Variants in DLGAP2 observed in about 807,000 individuals in gnomAD.
DLGAP2 encodes the protein DLG associated protein 2.
A neutral mutation model predicts 100.3 loss-of-function variants in DLGAP2; 26 were observed. The ratio of observed to expected loss-of-function variants is 0.26; its 90% CI spans 0.19 to 0.36. DLGAP2 has a LOEUF of 0.36. Ranked by LOEUF, DLGAP2 falls within the 10% of genes least tolerant of loss-of-function variation. DLGAP2 has a pLI of 1.00. For missense variants in DLGAP2, 1,858 were observed against 1,453.2 expected (o/e 1.28, Z -4.53); for synonymous variants, 886 against 630.1 (o/e 1.41, Z -6.08).
At chr8:1,223,319 T>C (rs953958591) in intron 2 of DLGAP2, among the ~76,000 whole-genome samples, 1 of 152,198 alleles carries the variant, frequency 6.6e-6, no homozygotes, top group Non-Finnish European at 1.5e-5. Flanking sequence ...GTCTATGCCA[T>C]GGGCTGGTCT....
chr8:984,741 T>C (rs1230157969), intron 2 of DLGAP2, among the ~76,000 whole-genome samples: 2 of 152,234 alleles, frequency 1.3e-5, no homozygotes, highest in Non-Finnish European at 2.9e-5. Context: ...CATCTGTTTT[T>C]ACATTTTTAA....
rs2132550227 is a variant in DLGAP2, at chr8:737,964, C to T, written c.18+139C>T. On this transcript the variant is annotated intron_variant, in intron 1 of 14. Transcript: ENST00000637795. ...GGGCGGGGGCGAGCGGGGGTCGTGCCGCCCGCCGGGGCCGGAGCGCTGGGG... is the reference window on the plus strand; with the variant it reads ...GGGCGGGGGCGAGCGGGGGTCGTGCTGCCCGCCGGGGCCGGAGCGCTGGGG... 8.8e-6 allele frequency: 3 copies of T among 339,034 alleles called. No homozygotes were observed. In the East Asian group the frequency reaches 1.3e-4, roughly 15 times the overall value. 21.0% of individuals were successfully genotyped at this position (339,034 alleles called of 1,614,324 possible).
chr8:1,552,690 A>G (rs1318349871), intron 5 of DLGAP2, among the ~76,000 whole-genome samples: 1 of 152,268 alleles, frequency 6.6e-6, no homozygotes, highest in African/African-American at 2.4e-5. Context: ...AAGATTTAAA[A>G]GAATAAGAAG....
chr8:1,060,785 G>A (rs1406567140), intron 2 of DLGAP2, among the ~76,000 whole-genome samples: 1 of 152,188 alleles, frequency 6.6e-6, no homozygotes, highest in East Asian at 1.9e-4. Flanking sequence ...GGGCCTGCGG[G>A]TTCCACATGC....
intron 3 of DLGAP2, among the ~76,000 whole-genome samples, chr8:1,314,368 T>G (rs1219666614): frequency 1.3e-5 from 2 of 152,326 alleles, no homozygotes; most frequent in South Asian, 2.1e-4. Context: ...CTGTTCACCT[T>G]GGAAGTGCAT....
chr8:1,523,970 T>C (rs1354450169), intron 4 of DLGAP2, among the ~76,000 whole-genome samples: 1 of 152,192 alleles, frequency 6.6e-6, no homozygotes, highest in Non-Finnish European at 1.5e-5. Context: ...GGTCCAGAAT[T>C]CGTTTGGAGA....
At chr8:1,347,776 G>A (rs188620985) in intron 3 of DLGAP2, among the ~76,000 whole-genome samples, 1 of 152,034 alleles carries the variant, frequency 6.6e-6, no homozygotes, top group Non-Finnish European at 1.5e-5. Context: ...TTGCACTCAT[G>A]GTAACTGTGT....
intron 3 of DLGAP2, among the ~76,000 whole-genome samples, chr8:1,344,675 C>T (rs985290873): frequency 2.0e-5 from 3 of 152,152 alleles, no homozygotes; most frequent in Non-Finnish European, 4.4e-5. Flanking sequence ...ATTCTCCACT[C>T]AGTCTCCCGC....
At chr8:1,267,595 A>AAATAAAATAAAATAAAAT (rs1563051978) in intron 3 of DLGAP2, among the ~76,000 whole-genome samples, 4 of 51,100 alleles carry the variant, frequency 7.8e-5, no homozygotes, top group African/African-American at 3.8e-4. Context: ...AAATAAGATA[A>AAATAAAATAAAATAAAAT]GATAAGATAA....
At chr8:1,155,985 C>G (rs1055609189) in intron 2 of DLGAP2, among the ~76,000 whole-genome samples, 4 of 152,312 alleles carry the variant, frequency 2.6e-5, no homozygotes, top group South Asian at 2.1e-4. Flanking sequence ...GACGGAGTCC[C>G]CGTCGCAGAG....
At chr8:1,495,045 C>G (rs1799503646) in intron 3 of DLGAP2, among the ~76,000 whole-genome samples, 1 of 152,214 alleles carries the variant, frequency 6.6e-6, no homozygotes, top group Admixed American at 6.5e-5. Context: ...CATCAATTCT[C>G]CATAATGAGG....
At chr8:1,503,179 C>A (rs1027270677) in intron 4 of DLGAP2, among the ~76,000 whole-genome samples, 1 of 152,116 alleles carries the variant, frequency 6.6e-6, no homozygotes, top group Non-Finnish European at 1.5e-5. Context: ...TAAGTAAGTT[C>A]AACAGCATTA....
intron 14 of DLGAP2, among the ~76,000 whole-genome samples, chr8:1,700,584 C>G (rs545317027): frequency 1.3e-4 from 19 of 151,960 alleles, no homozygotes; most frequent in African/African-American, 3.9e-4. Context: ...ATCTGAGAGT[C>G]TGAGCTAAGG....
chr8:1,075,811 A>T (rs1803587571), intron 2 of DLGAP2, among the ~76,000 whole-genome samples: 1 of 152,066 alleles, frequency 6.6e-6, no homozygotes, highest in Non-Finnish European at 1.5e-5. Context: ...TCAGGCCTGT[A>T]ATCCCAGCAC....
At chr8:1,509,926 C>A (rs888409279) in intron 4 of DLGAP2, among the ~76,000 whole-genome samples, 3 of 152,164 alleles carry the variant, frequency 2.0e-5, no homozygotes, top group African/African-American at 7.2e-5. Flanking sequence ...GAGTGCAGCT[C>A]TGGAGGACGC....
In DLGAP2 at chr8:1,443,307, C is replaced by T. The variant is rs1250228349; in HGVS notation, c.107-58059C>T. Among the ~76,000 whole-genome samples the T allele has an allele frequency of 2.6e-5, 4 of 151,402 alleles. No individual in the cohort carries two copies. In the East Asian group the frequency reaches 5.8e-4, roughly 22 times the overall value. The stretch of plus-strand genomic sequence containing the variant: ...TCCCTCCACTGCCCAGAGATAATCG[C>T]GGGTAACATTTGGATGTTAATACTT... On this transcript the variant is annotated intron_variant, in intron 3 of 14. Transcript: ENST00000637795.
At chr8:1,591,287 C>T (rs932437029) in intron 6 of DLGAP2, among the ~76,000 whole-genome samples, 1 of 140,968 alleles carries the variant, frequency 7.1e-6, no homozygotes, top group African/African-American at 2.4e-5. Context: ...GTCACTCACA[C>T]CCCCTCCCCC....
At chr8:1,543,360 T>G (rs1380005349) in intron 4 of DLGAP2, among the ~76,000 whole-genome samples, 2 of 152,226 alleles carry the variant, frequency 1.3e-5, no homozygotes, top group Non-Finnish European at 2.9e-5. Context: ...TTGAGTTCAT[T>G]TTTGCAGATT....
At position 1,024,246 on chromosome 8, in the gene DLGAP2, CGTGCCG is replaced by C. The variant is rs1474513542; in HGVS notation, c.73+116281_73+116286del. 1.9e-4 allele frequency among the ~76,000 whole-genome samples: 27 copies of C among 142,072 alleles called. 1 individual carries two copies. Among genetic ancestry groups the C allele is most frequent in the African/African-American group, 5.7e-4 (22 of 38,756 alleles). The allele number at this position is 142,072 out of a possible 152,430, so 93.2% of individuals were successfully genotyped here. ...CACCCTCCCTGGAAGTGGACAGCCC[CGTGCCG>C]AGGCAGACACCCCAGCCACCACCCA... is the stretch of plus-strand genomic sequence containing the variant. On this transcript the variant is annotated intron_variant, in intron 2 of 14. Transcript: ENST00000637795.
Sources: gnomAD v4.1 joint callset for allele counts (sites outside exome capture counted in the v4.1 genomes callset) on GRCh38, gnomAD v4.1.1 for gene constraint, MANE v1.5 for transcripts, NCBI Gene and HGNC (gene_info 2026-07-23, HGNC 2026-07-21) for gene names.